The following PARD6B variants were observed in gnomAD, a reference collection of about 807,000 sequenced individuals.
PARD6B encodes the protein partitioning defective 6 homolog beta.
PARD6B carries 4 observed loss-of-function variants against 10.5 expected under a neutral mutation model. The ratio of observed to expected loss-of-function variants is 0.38; its 90% CI spans 0.19 to 0.87. The LOEUF is 0.87. Among genes scored for constraint, PARD6B ranks in the 40% least tolerant of loss-of-function variants. The pLI is 0.41. For missense variants in PARD6B, 396 were observed against 470.6 expected (o/e 0.84, Z 1.47); for synonymous variants, 169 against 170.4 (o/e 0.99, Z 0.07).
chr20:50,752,866 C>T lies in PARD6B; in HGVS notation c.*2378C>T. The T allele has an allele frequency of 4.1e-6, 4 of 981,754 alleles. No individual in the cohort carries two copies. The highest frequency in any genetic ancestry group is 4.7e-5 in the South Asian group (1 of 21,212). The allele number at this position is 981,754 out of a possible 1,614,324, so 60.8% of individuals were successfully genotyped here. On this transcript the variant is annotated 3_prime_UTR_variant, in exon 3 of 3. Coordinates refer to ENST00000371610, the MANE Select transcript of PARD6B (RefSeq NM_032521.3). ...TTAACTGACTGCACATTATGTAATA[C>T]GTTGTACTTTTTGTTGAATTCACCG... is the stretch of plus-strand genomic sequence containing the variant.
chr20:50,753,279 CTTAAA>C lies in PARD6B; in HGVS notation c.*2795_*2799del. On this transcript the variant is annotated 3_prime_UTR_variant, in exon 3 of 3. Coordinates refer to ENST00000371610, the MANE Select transcript of PARD6B (RefSeq NM_032521.3). The stretch of plus-strand genomic sequence containing the variant: ...GGTATTTTCAAGTAGATCTCTGTTT[CTTAAA>C]TTATTGGTGAAATAATTGATTACTA... The C allele has an allele frequency of 1.0e-6, 1 of 983,708 alleles. No individual in the cohort carries two copies. Among genetic ancestry groups the C allele is most frequent in the Non-Finnish European group, 1.2e-6 (1 of 828,190 alleles). The allele number at this position is 983,708 out of a possible 1,614,324, so 60.9% of individuals were successfully genotyped here.
chr20:50,743,595 A>T (rs1252898632), intron 2 of PARD6B, among the ~76,000 whole-genome samples: 1 of 152,166 alleles, frequency 6.6e-6, no homozygotes, highest in Non-Finnish European at 1.5e-5. Context: ...TTAACAAAAG[A>T]TATGGCCCAG....
intron 2 of PARD6B, among the ~76,000 whole-genome samples, chr20:50,745,220 A>T (rs1031815259): frequency 6.6e-6 from 1 of 152,162 alleles, no homozygotes; most frequent in South Asian, 2.1e-4. Context: ...GCCCAACGTC[A>T]GGAGTTCGCC....
intron 1 of PARD6B, among the ~76,000 whole-genome samples, chr20:50,734,823 G>A (rs1174735872): frequency 2.6e-5 from 4 of 152,102 alleles, no homozygotes; most frequent in East Asian, 1.9e-4. Context: ...ACTGGGTTCC[G>A]GTCCATTTTT....
intron 2 of PARD6B, 48 bp from the exon 3 acceptor site, chr20:50,749,611 G>C: frequency 6.9e-7 from 1 of 1,447,546 alleles, no homozygotes; most frequent in South Asian, 1.4e-5. Context: ...CAAGTGAATA[G>C]ATATTTTTAC....
At chr20:50,732,737 A>G (rs1023657484) in intron 1 of PARD6B, among the ~76,000 whole-genome samples, 26 of 152,232 alleles carry the variant, frequency 1.7e-4, no homozygotes, top group Non-Finnish European at 3.5e-4. Context: ...AGGCTTAGAA[A>G]GGTTATGACT....
chr20:50,733,983 A>C (rs2087485910), intron 1 of PARD6B, among the ~76,000 whole-genome samples: 1 of 152,184 alleles, frequency 6.6e-6, no homozygotes, highest in Admixed American at 6.6e-5. Context: ...ACTTCTGTCT[A>C]AACTACATGT....
At position 50,731,763 on chromosome 20, in the gene PARD6B, C is replaced by A. The variant is rs922893178; in HGVS notation, c.-24C>A. 6 of 1,443,164 alleles carry A rather than the reference C, an allele frequency of 4.2e-6. No homozygotes were observed. The African/African-American group carries it at 8.9e-5, about 21-fold the overall frequency. The allele number at this position is 1,443,164 out of a possible 1,614,324, so 89.4% of individuals were successfully genotyped here. A position where few individuals can be genotyped will look rare whatever the true frequency, so the allele number is the denominator to read the frequency against. ...TGAGGGGCCGCCCGGCCGGAGGAGG[C>A]CGTCGCGGGGCTCGGCGTTCAGCAT... On this transcript the variant is annotated 5_prime_UTR_variant, in exon 1 of 3. Coordinates refer to ENST00000371610, the MANE Select transcript of PARD6B (RefSeq NM_032521.3).
intron 1 of PARD6B, among the ~76,000 whole-genome samples, chr20:50,736,695 GT>G (rs869114685): frequency 0.063 from 8,733 of 139,492 alleles, 189 homozygotes; most frequent in African/African-American, 0.089. Context: ...TAGTGTTTTG[GT>G]TTTTTTTTTT....
chr20:50,737,940 T>G lies in PARD6B; in HGVS notation c.150T>G (p.Val50=), dbSNP rs1386358922. Reference sequence around the variant, plus strand: ...AGTTTTATGGATTACTACAACATGTTCATAAGATCCCCAATGTTGACGTTT... The same window carrying G: ...AGTTTTATGGATTACTACAACATGTGCATAAGATCCCCAATGTTGACGTTT... ...FEEFYGLLQH[V]HKIPNVDVLV... is the part of the protein sequence containing the mutation. Residue 50 remains valine, a synonymous_variant, in exon 2 of 3, where the codon GTT becomes GTG. Transcript: ENST00000371610. 6.2e-7 allele frequency: 1 copy of G among 1,613,704 alleles called. No individual in the cohort carries two copies. Among genetic ancestry groups the G allele is most frequent in the East Asian group, 2.2e-5 (1 of 44,862 alleles).
intron 2 of PARD6B, among the ~76,000 whole-genome samples, chr20:50,743,875 C>T (rs1284237200): frequency 7.1e-6 from 1 of 140,934 alleles, no homozygotes; most frequent in Non-Finnish European, 1.5e-5. Context: ...GGCGACAGAG[C>T]GAGACTCCGT....
At chr20:50,747,485 C>CT (rs2087574374) in intron 2 of PARD6B, among the ~76,000 whole-genome samples, 11 of 35,932 alleles carry the variant, frequency 3.1e-4, no homozygotes, top group African/African-American at 9.4e-4. Flanking sequence ...TTTTTTCTTT[C>CT]TTTCTTTTTT....
At chr20:50,747,422 G>T (rs988093641) in intron 2 of PARD6B, among the ~76,000 whole-genome samples, 1 of 132,284 alleles carries the variant, frequency 7.6e-6, no homozygotes, top group Non-Finnish European at 1.6e-5. Flanking sequence ...CTATTTTGTG[G>T]AGGAGGAGGG....
chr20:50,748,098 G>A (rs1420135041), intron 2 of PARD6B, among the ~76,000 whole-genome samples: 1 of 152,190 alleles, frequency 6.6e-6, no homozygotes, highest in Non-Finnish European at 1.5e-5. Context: ...CAGCACTTTG[G>A]GAAGCTGAGG....
chr20:50,745,758 C>T (rs541547572), intron 2 of PARD6B, among the ~76,000 whole-genome samples: 3 of 152,278 alleles, frequency 2.0e-5, no homozygotes, highest in East Asian at 1.9e-4. Context: ...CCTCTCACCT[C>T]GCCCTTCCAA....
At chr20:50,737,490 G>A (rs1180483053) in intron 1 of PARD6B, among the ~76,000 whole-genome samples, 1 of 152,184 alleles carries the variant, frequency 6.6e-6, no homozygotes. Context: ...ACTTGGACAA[G>A]TCTTTGGTAC....
At chr20:50,733,822 A>G (rs2087485214) in intron 1 of PARD6B, among the ~76,000 whole-genome samples, 1 of 152,158 alleles carries the variant, frequency 6.6e-6, no homozygotes, top group Non-Finnish European at 1.5e-5. Context: ...ATTTTTTTCC[A>G]CAGAAAAAAA....
intron 1 of PARD6B, 91 bp downstream of exon 1, chr20:50,731,943 A>G: frequency 1.8e-6 from 2 of 1,136,662 alleles, no homozygotes; most frequent in Non-Finnish European, 2.3e-6. Flanking sequence ...GGGGGAGGCG[A>G]CGGGCTGAGC....
chr20:50,731,655 C>T lies in PARD6B; in HGVS notation c.-132C>T, dbSNP rs945778566. 1 of 635,262 alleles carries T rather than the reference C, an allele frequency of 1.6e-6. No homozygotes were observed. Among genetic ancestry groups the T allele is most frequent in the South Asian group, 2.9e-5 (1 of 34,368 alleles). The allele number at this position is 635,262 out of a possible 1,614,324, so 39.4% of individuals were successfully genotyped here. On this transcript the variant is annotated 5_prime_UTR_variant, in exon 1 of 3. Coordinates refer to ENST00000371610, the MANE Select transcript of PARD6B (RefSeq NM_032521.3). ...CGCGGACGCCGGAGCTGCGGCCGCC[C>T]CCTCTGCAGGTGCCTGTGAGGAGGC...
Sources: gnomAD v4.1 joint callset for allele counts (sites outside exome capture counted in the v4.1 genomes callset) on GRCh38, gnomAD v4.1.1 for gene constraint, MANE v1.5 for transcripts, NCBI Gene and HGNC (gene_info 2026-07-23, HGNC 2026-07-21) for gene names.